The following CGNL1 variants were observed in gnomAD, a reference collection of about 807,000 sequenced individuals.
CGNL1 encodes cingulin like 1, also known as cingulin-like protein 1.
In CGNL1, 132 loss-of-function variants were observed where a neutral mutation model predicts 141.2. The ratio of observed to expected loss-of-function variants is 0.93; its 90% CI spans 0.81 to 1.08. The LOEUF is 1.08. Among genes scored for constraint, CGNL1 ranks in the 50% least tolerant of loss-of-function variants. The pLI is 0.00. For missense variants in CGNL1, 1,870 were observed against 1,588.6 expected, an observed-to-expected ratio of 1.18 and a Z score of -3.01; for synonymous variants, 690 against 622.1, an observed-to-expected ratio of 1.11 and a Z score of -1.63.
intron 1 of CGNL1, among the ~76,000 whole-genome samples, chr15:57,388,288 G>A (rs2062505342): frequency 6.7e-6 from 1 of 148,992 alleles, no homozygotes; most frequent in African/African-American, 2.6e-5. Flanking sequence ...CTCCGGAGTT[G>A]TCATTAGAGG....
At position 57,492,009 on chromosome 15, in the gene CGNL1, A is replaced by C. The variant is rs537315314; in HGVS notation, c.2404-24771A>C. Among the ~76,000 whole-genome samples the C allele has an allele frequency of 4.6e-5, 7 of 152,346 alleles. No individual in the cohort carries two copies. The East Asian group carries it at 1.2e-3, about 25-fold the overall frequency. On this transcript the variant is annotated intron_variant, in intron 8 of 18. Coordinates refer to ENST00000281282, the MANE Select transcript of CGNL1 (RefSeq NM_032866.5). Reference sequence around the variant, plus strand: ...TGACTGAATGTAATGTGGTATCCTGAATGGGATCAAGAGCTGGAAAAGGAC... The same window carrying C: ...TGACTGAATGTAATGTGGTATCCTGCATGGGATCAAGAGCTGGAAAAGGAC...
At position 57,408,521 on chromosome 15, in the gene CGNL1, G is replaced by A. The variant is rs148449395; in HGVS notation, c.-15-29464G>A. 1.4e-4 allele frequency among the ~76,000 whole-genome samples: 22 copies of A among 152,114 alleles called. No individual in the cohort carries two copies. The East Asian group carries it at 4.3e-3, about 30-fold the overall frequency. ...CCTCTGGATATTAGTCCACTTTTCC[G>A]GGATAATATAATTTAATTTTAGTTT... On this transcript the variant is annotated intron_variant, in intron 1 of 18. Coordinates refer to ENST00000281282, the MANE Select transcript of CGNL1 (RefSeq NM_032866.5).
chr15:57,423,598 A>G (rs1310304651), intron 1 of CGNL1, among the ~76,000 whole-genome samples: 3 of 152,296 alleles, frequency 2.0e-5, no homozygotes, highest in Non-Finnish European at 1.5e-5. Context: ...GTCTTGTGCA[A>G]TGATGCTCCA....
intron 8 of CGNL1, among the ~76,000 whole-genome samples, chr15:57,489,560 C>A (rs1222024633): frequency 2.0e-5 from 3 of 152,178 alleles, no homozygotes; most frequent in Non-Finnish European, 4.4e-5. Context: ...ACATTTAAGT[C>A]TATGACTCAT....
Position 57,433,790 on chromosome 15 carries a change from T to C in CGNL1, c.-15-4195T>C, listed in dbSNP as rs1248208766. On this transcript the variant is annotated intron_variant, in intron 1 of 18. Transcript: ENST00000281282. ...TGACAGCTGGGAGCTTGGTCACTCT[T>C]CTGCTCTGTCCATGATGGCAGCAGC... is the stretch of plus-strand genomic sequence containing the variant. Among the ~76,000 whole-genome samples, 3 of 152,172 alleles carry C rather than the reference T, an allele frequency of 2.0e-5. No homozygotes were observed. In the East Asian group the frequency reaches 5.8e-4, roughly 29 times the overall value.
chr15:57,466,927 C>A (rs1296771213), intron 8 of CGNL1, among the ~76,000 whole-genome samples: 4 of 152,028 alleles, frequency 2.6e-5, no homozygotes, highest in African/African-American at 9.7e-5. Flanking sequence ...GACTTTTGGG[C>A]CATTAGGCAC....
At chr15:57,526,724 G>T (rs1484573671) in intron 12 of CGNL1, among the ~76,000 whole-genome samples, 3 of 152,074 alleles carry the variant, frequency 2.0e-5, no homozygotes, top group African/African-American at 7.2e-5. Flanking sequence ...TATGATTCAG[G>T]ATACATTGTT....
chr15:57,402,392 G>A (rs575037391), intron 1 of CGNL1, among the ~76,000 whole-genome samples: 10 of 152,300 alleles, frequency 6.6e-5, no homozygotes, highest in Admixed American at 4.6e-4. Context: ...CTGCAGAACC[G>A]TGAGCCAAGT....
chr15:57,504,202 A>G (rs1316006684), intron 8 of CGNL1, among the ~76,000 whole-genome samples: 1 of 152,214 alleles, frequency 6.6e-6, no homozygotes, highest in Non-Finnish European at 1.5e-5. Context: ...CATGCTATGT[A>G]CTTTACACAC....
In CGNL1 at chr15:57,503,790, A is replaced by G. The variant is rs568585209; in HGVS notation, c.2404-12990A>G. Among the ~76,000 whole-genome samples the G allele has an allele frequency of 2.0e-5, 3 of 152,272 alleles. No individual in the cohort carries two copies. The South Asian group carries it at 6.2e-4, about 32-fold the overall frequency. On this transcript the variant is annotated intron_variant, in intron 8 of 18. Coordinates refer to ENST00000281282, the MANE Select transcript of CGNL1 (RefSeq NM_032866.5). ...GGAAGATACAGAAGCGGAAACCTCT[A>G]ATAAACCCATCAGATCTCGTGAGAC...
chr15:57,439,104 A>G lies in CGNL1; in HGVS notation c.1105A>G (p.Arg369Gly), dbSNP rs61745351. 1,418 of 1,614,104 alleles carry G rather than the reference A, an allele frequency of 8.8e-4. 1 individual carries two copies. The highest frequency in any genetic ancestry group is 1.1e-3 in the Non-Finnish European group (1,294 of 1,180,060). ...KFDQKPGLQR[R>G]GRSGKRNRIN... is the part of the protein sequence containing the mutation. ...TGATCAAAAACCTGGGCTTCAGAGA[A>G]GAGGAAGGTCTGGGAAGCGAAACAG... The change falls in exon 2 of 19, where the codon AGA becomes GGA. Residue 369 changes from arginine (R) to glycine (G), a missense_variant. Arg to Gly is a moderately radical substitution (Grantham distance 125, BLOSUM62 -2). Transcript: ENST00000281282.
At chr15:57,389,839 G>A (rs2062522853) in intron 1 of CGNL1, among the ~76,000 whole-genome samples, 2 of 151,890 alleles carry the variant, frequency 1.3e-5, no homozygotes, top group Admixed American at 1.3e-4. Flanking sequence ...TTTTGAGATG[G>A]AGTCTCACTC....
chr15:57,481,740 G>A (rs1444618139), intron 8 of CGNL1, among the ~76,000 whole-genome samples: 1 of 152,160 alleles, frequency 6.6e-6, no homozygotes, highest in Admixed American at 6.5e-5. Context: ...ATATCTAGGA[G>A]TGTGAATGTG....
intron 1 of CGNL1, among the ~76,000 whole-genome samples, chr15:57,379,250 C>A (rs931799423): frequency 2.6e-5 from 4 of 152,134 alleles, no homozygotes; most frequent in African/African-American, 7.2e-5. Context: ...TCTACCCCCC[C>A]AAAAAGAAAA....
chr15:57,460,483 C>T (rs956951595), intron 7 of CGNL1, among the ~76,000 whole-genome samples: 2 of 152,146 alleles, frequency 1.3e-5, no homozygotes, highest in African/African-American at 2.4e-5. Flanking sequence ...TCCATTCTCA[C>T]ACTGATGTAA....
chr15:57,450,419 G>C (rs2063308385), intron 4 of CGNL1, among the ~76,000 whole-genome samples: 1 of 152,170 alleles, frequency 6.6e-6, no homozygotes, highest in Admixed American at 6.5e-5. Flanking sequence ...TGGGACTACA[G>C]ACGTGTGCCA....
chr15:57,393,706 T>C (rs576023899), intron 1 of CGNL1, among the ~76,000 whole-genome samples: 89 of 152,266 alleles, frequency 5.8e-4, no homozygotes, highest in Admixed American at 1.2e-3. Context: ...TGTGCATAAG[T>C]ATTACTCTAA....
Position 57,438,355 on chromosome 15 carries a change from AG to A in CGNL1, c.357del (p.Gln119HisfsTer12). The A allele has an allele frequency of 6.2e-7, 1 of 1,614,158 alleles. No individual in the cohort carries two copies. Among genetic ancestry groups the A allele is most frequent in the Non-Finnish European group, 8.5e-7 (1 of 1,180,040 alleles). On this transcript the variant is annotated frameshift_variant, in exon 2 of 19. Coordinates refer to ENST00000281282, the MANE Select transcript of CGNL1 (RefSeq NM_032866.5). LOFTEE classifies it high-confidence loss of function. ...CCTAGCCCAATAAGAAACCTGAAAC[AG>A]CCCCTGCTCCATGAGGGCAAGAATG... is the stretch of plus-strand genomic sequence containing the variant. The part of the protein sequence containing the change: ...AQPSPIRNLK[Q>X]PLLHEGKNGV...
At chr15:57,537,696 C>G (rs995586202) in intron 14 of CGNL1, among the ~76,000 whole-genome samples, 5 of 152,124 alleles carry the variant, frequency 3.3e-5, no homozygotes, top group African/African-American at 1.2e-4. Flanking sequence ...CAGCTACTTA[C>G]AATTCTGAGA....
Sources: gnomAD v4.1 joint callset for allele counts (sites outside exome capture counted in the v4.1 genomes callset) on GRCh38, gnomAD v4.1.1 for gene constraint, MANE v1.5 for transcripts, NCBI Gene and HGNC (gene_info 2026-07-23, HGNC 2026-07-21) for gene names.